The following FRMD6 variants were observed in gnomAD, a reference collection of about 807,000 sequenced individuals.
FRMD6 encodes FERM domain containing 6.
A neutral mutation model predicts 73.2 loss-of-function variants in FRMD6; 37 were observed. The ratio of observed to expected loss-of-function variants is 0.51; its 90% CI spans 0.39 to 0.66. FRMD6 has a LOEUF of 0.66. FRMD6 is among the 30% of genes least tolerant of loss of function. The probability of loss-of-function intolerance (pLI) is 0.00; values close to 1 mark genes in which losing one functional copy is unlikely to be tolerated. For synonymous variants in FRMD6, 273 were observed against 282.2 expected, an observed-to-expected ratio of 0.97 and a Z score of 0.33; for missense variants, 714 against 780.5, an observed-to-expected ratio of 0.91 and a Z score of 1.02.
chr14:51,672,105 C>T (rs1447351361), intron 1 of FRMD6, among the ~76,000 whole-genome samples: 1 of 152,182 alleles, frequency 6.6e-6, no homozygotes, highest in African/African-American at 2.4e-5. Context: ...CAGTATGATC[C>T]TGAAGACAAA....
intron 10 of FRMD6, among the ~76,000 whole-genome samples, chr14:51,718,746 A>T (rs1035015611): frequency 6.6e-6 from 1 of 152,230 alleles, no homozygotes; most frequent in Non-Finnish European, 1.5e-5. Context: ...TTTGTGTTTC[A>T]GCCAGTTCCT....
At chr14:51,537,707 G>A (rs1031941604) in intron 1 of FRMD6, among the ~76,000 whole-genome samples, 1 of 152,174 alleles carries the variant, frequency 6.6e-6, no homozygotes, top group Non-Finnish European at 1.5e-5. Flanking sequence ...TGTAATATGT[G>A]TGTAATAGTA....
intron 1 of FRMD6, among the ~76,000 whole-genome samples, chr14:51,674,236 T>G (rs915148830): frequency 6.6e-6 from 1 of 151,858 alleles, no homozygotes; most frequent in Non-Finnish European, 1.5e-5. Context: ...CATGTTTTCT[T>G]CATTCATTCT....
At chr14:51,716,474 G>A (rs1447855895) in intron 10 of FRMD6, among the ~76,000 whole-genome samples, 1 of 152,142 alleles carries the variant, frequency 6.6e-6, no homozygotes, top group Non-Finnish European at 1.5e-5. Flanking sequence ...TCTGAGACAA[G>A]TTTTGACACC....
rs59151771 is a variant in FRMD6, at chr14:51,599,058, C to CTT, written c.-147+28674_-147+28675dup. 9.3e-4 allele frequency among the ~76,000 whole-genome samples: 68 copies of CTT among 72,822 alleles called. 3 individuals are homozygous for CTT. Among genetic ancestry groups the CTT allele is most frequent in the Non-Finnish European group, 1.3e-3 (53 of 39,966 alleles). The allele number at this position is 72,822 out of a possible 152,430, so 47.8% of individuals were successfully genotyped here. ...TCTCAGCAGCCTTGCCAGTATCTGT[C>CTT]TTTTTTTTTTTTTTTTTTTTTTTTT... On this transcript the variant is annotated intron_variant, in intron 2 of 14. Transcript: ENST00000356218.
At chr14:51,455,814 T>C in the FRMD6 span, among the ~76,000 whole-genome samples, 15 of 152,114 alleles carry the variant, frequency 9.9e-5, no homozygotes, top group Non-Finnish European at 1.5e-4. Flanking sequence ...GGTAAGGGAA[T>C]TGGAACTCTC....
At chr14:51,483,368 G>A in the FRMD6 span, among the ~76,000 whole-genome samples, 2 of 152,310 alleles carry the variant, frequency 1.3e-5, no homozygotes, top group Admixed American at 1.3e-4. Context: ...GGTAACAAGT[G>A]TCATAGAAGA....
At chr14:51,691,990 T>C (rs955976703) in intron 2 of FRMD6, among the ~76,000 whole-genome samples, 1 of 152,260 alleles carries the variant, frequency 6.6e-6, no homozygotes, top group East Asian at 1.9e-4. Context: ...TTAAAAAGTT[T>C]AGCTAAGAAA....
chr14:51,717,008 A>G (rs1439764184), intron 10 of FRMD6, among the ~76,000 whole-genome samples: 1 of 152,208 alleles, frequency 6.6e-6, no homozygotes, highest in African/African-American at 2.4e-5. Flanking sequence ...TTTTTTGTTC[A>G]GATGACCTTA....
chr14:51,538,312 T>A (rs903490446), intron 1 of FRMD6, among the ~76,000 whole-genome samples: 1 of 152,190 alleles, frequency 6.6e-6, no homozygotes, highest in South Asian at 2.1e-4. Context: ...TCACTTGACT[T>A]ATCTATGATA....
chr14:51,461,972 C>G, the FRMD6 span, among the ~76,000 whole-genome samples: 1 of 151,484 alleles, frequency 6.6e-6, no homozygotes, highest in South Asian at 2.1e-4. Context: ...GTTAGCTGTT[C>G]TTATTCTTGT....
chr14:51,441,679 C>A, the FRMD6 span, among the ~76,000 whole-genome samples: 1 of 152,022 alleles, frequency 6.6e-6, no homozygotes, highest in Admixed American at 6.6e-5. Context: ...AAATGTAAAC[C>A]CATGCGTGTA....
intron 1 of FRMD6, among the ~76,000 whole-genome samples, chr14:51,525,377 C>A (rs1201181026): frequency 6.6e-6 from 1 of 151,874 alleles, no homozygotes; most frequent in Non-Finnish European, 1.5e-5. Flanking sequence ...CAAGCGATTC[C>A]CCTGCCTAAG....
chr14:51,500,304 G>A (rs1239279648), intron 1 of FRMD6, among the ~76,000 whole-genome samples: 5 of 152,056 alleles, frequency 3.3e-5, no homozygotes, highest in East Asian at 1.9e-4. Context: ...CAAGGTGGGC[G>A]GATCATGAGG....
the FRMD6 span, among the ~76,000 whole-genome samples, chr14:51,400,211 G>A: frequency 1.3e-5 from 2 of 152,214 alleles, no homozygotes; most frequent in East Asian, 3.9e-4. Flanking sequence ...TCACCAGAAC[G>A]TATTCCTTCT....
At chr14:51,507,888 C>G (rs996965647) in intron 1 of FRMD6, among the ~76,000 whole-genome samples, 1 of 152,168 alleles carries the variant, frequency 6.6e-6, no homozygotes, top group Non-Finnish European at 1.5e-5. Context: ...CTGGGCCAGG[C>G]AGGAAGTCAG....
At chr14:51,452,854 G>A in the FRMD6 span, among the ~76,000 whole-genome samples, 2 of 152,156 alleles carry the variant, frequency 1.3e-5, no homozygotes, top group African/African-American at 4.8e-5. Context: ...AGTCATTAGG[G>A]TCAACGGCAA....
chr14:51,520,564 C>T (rs554945106), intron 1 of FRMD6, among the ~76,000 whole-genome samples: 11 of 152,172 alleles, frequency 7.2e-5, no homozygotes, highest in East Asian at 1.9e-4. Context: ...GATGAATATA[C>T]GAAGTGTGAT....
chr14:51,517,888 C>A (rs945764835), intron 1 of FRMD6, among the ~76,000 whole-genome samples: 10 of 152,100 alleles, frequency 6.6e-5, no homozygotes, highest in African/African-American at 2.2e-4. Context: ...GCTCTTCAGT[C>A]CTCCCTCCCA....
Sources: allele counts gnomAD v4.1 joint callset (sites outside exome capture counted in the v4.1 genomes callset), GRCh38; gene constraint gnomAD v4.1.1; transcripts MANE v1.5; gene names NCBI Gene and HGNC (gene_info 2026-07-23, HGNC 2026-07-21).